Variants in TPP2 observed in about 807,000 individuals in gnomAD.
TPP2 encodes tripeptidyl peptidase 2.
In TPP2, 34 loss-of-function variants were observed where a neutral mutation model predicts 155.9. The ratio of observed to expected loss-of-function variants is 0.22; its 90% CI spans 0.17 to 0.29. The LOEUF (loss-of-function observed/expected upper bound fraction) is 0.29. Among genes scored for constraint, TPP2 ranks in the 10% least tolerant of loss-of-function variants. The pLI is 1.00. For missense variants in TPP2, 1,028 were observed against 1,522.3 expected (o/e 0.68, Z 5.40); for synonymous variants, 510 against 529.4 (o/e 0.96, Z 0.50).
At chr13:102,618,652 T>C in intron 4 of TPP2, 70 bp from the exon 5 acceptor site, 1 of 1,547,852 alleles carries the variant, frequency 6.5e-7, no homozygotes, top group Non-Finnish European at 8.7e-7. Flanking sequence ...ATTGTATCTT[T>C]GGCTGTATGT....
chr13:102,649,219 T>C, intron 22 of TPP2, 68 bp downstream of exon 22: 1 of 1,523,992 alleles, frequency 6.6e-7, no homozygotes, highest in Non-Finnish European at 8.8e-7. Context: ...TGTCAGTTTA[T>C]GACATCTAGG....
intron 2 of TPP2, 42 bp from the exon 3 acceptor site, chr13:102,614,059 A>C (rs1460042256): frequency 1.3e-6 from 2 of 1,563,154 alleles, no homozygotes; most frequent in Non-Finnish European, 1.8e-6. Context: ...GGAATTGGAA[A>C]GCATTTAGTG....
rs1291728150 is a variant in TPP2, at chr13:102,679,027, A to G, written c.*711A>G. The G allele has an allele frequency of 6.6e-6, 1 of 152,630 alleles. No individual in the cohort carries two copies. The highest frequency in any genetic ancestry group is 1.5e-5 in the Non-Finnish European group (1 of 68,034). 9.5% of individuals were successfully genotyped at this position (152,630 alleles called of 1,614,324 possible). A position where few individuals can be genotyped will look rare whatever the true frequency, so the allele number is the denominator to read the frequency against. ...GCTGAATCTTTATCAGGTATTGTAA[A>G]GATACACATATGATATGTTTATTAA... On this transcript the variant is annotated 3_prime_UTR_variant, in exon 30 of 30. Coordinates refer to ENST00000376052, the MANE Select transcript of TPP2 (RefSeq NM_001330588.2).
chr13:102,626,964 T>C, intron 6 of TPP2, 48 bp from the exon 7 acceptor site: 2 of 1,445,994 alleles, frequency 1.4e-6, no homozygotes, highest in Non-Finnish European at 9.1e-7. Context: ...TGAATAAACT[T>C]TCAGTCCATG....
At chr13:102,624,141 T>C (rs1043821477) in intron 6 of TPP2, among the ~76,000 whole-genome samples, 65 of 152,206 alleles carry the variant, frequency 4.3e-4, no homozygotes, top group African/African-American at 1.5e-3. Context: ...TGTAAAATTC[T>C]AAAACATGCC....
chr13:102,663,132 T>TTATTTATTTA (rs149378137), intron 25 of TPP2, among the ~76,000 whole-genome samples: 73,991 of 150,426 alleles, frequency 0.49, 18,546 homozygotes, highest in African/African-American at 0.59. Flanking sequence ...ATTTATTTAT[T>TTATTTATTTA]TTTTTTAATT....
chr13:102,656,540 C>G (rs1489024033), intron 24 of TPP2, among the ~76,000 whole-genome samples: 1 of 152,124 alleles, frequency 6.6e-6, no homozygotes, highest in Non-Finnish European at 1.5e-5. Context: ...TTGTTTTCTT[C>G]CTATCAGATG....
intron 29 of TPP2, among the ~76,000 whole-genome samples, chr13:102,676,919 G>T (rs1205180273): frequency 6.6e-6 from 1 of 152,184 alleles, no homozygotes; most frequent in African/African-American, 2.4e-5. Context: ...GATTTCTACA[G>T]AAGTTACTTT....
intron 25 of TPP2, among the ~76,000 whole-genome samples, chr13:102,657,753 G>A (rs536522144): frequency 3.9e-5 from 6 of 152,064 alleles, no homozygotes; most frequent in African/African-American, 1.4e-4. Flanking sequence ...ATACATAAAG[G>A]TGATTTTTTA....
At chr13:102,676,237 C>T in intron 28 of TPP2, 59 bp from the exon 29 acceptor site, 4 of 1,416,730 alleles carry the variant, frequency 2.8e-6, no homozygotes, top group Non-Finnish European at 3.8e-6. Context: ...ATGGTTAAAG[C>T]TAATGCCTTA....
At chr13:102,613,178 G>A (rs1449212576) in intron 2 of TPP2, among the ~76,000 whole-genome samples, 2 of 152,162 alleles carry the variant, frequency 1.3e-5, no homozygotes, top group African/African-American at 4.8e-5. Context: ...ATGGCACAGA[G>A]GCCTTCAAAA....
chr13:102,671,632 T>C (rs1467039879), intron 27 of TPP2, among the ~76,000 whole-genome samples: 1 of 152,196 alleles, frequency 6.6e-6, no homozygotes, highest in Non-Finnish European at 1.5e-5. Flanking sequence ...GTTGTCAATT[T>C]TGCGTTACCA....
At chr13:102,612,935 C>T (rs543112549) in intron 2 of TPP2, among the ~76,000 whole-genome samples, 1 of 152,250 alleles carries the variant, frequency 6.6e-6, no homozygotes, top group African/African-American at 2.4e-5. Flanking sequence ...TGCTAGCCAC[C>T]TGTGTAGTGG....
intron 25 of TPP2, among the ~76,000 whole-genome samples, chr13:102,661,462 G>C (rs576614744): frequency 5.9e-5 from 9 of 151,752 alleles, no homozygotes; most frequent in Non-Finnish European, 1.2e-4. Context: ...AGGCTAGTCT[G>C]GAACCCCCGG....
chr13:102,646,249 A>G, intron 19 of TPP2, 45 bp from the exon 20 acceptor site: 1 of 1,509,470 alleles, frequency 6.6e-7, no homozygotes, highest in African/African-American at 1.4e-5. Flanking sequence ...TGTCTCATTC[A>G]ATGAACTCTT....
chr13:102,610,378 G>A (rs1880194067), intron 2 of TPP2, among the ~76,000 whole-genome samples: 2 of 151,932 alleles, frequency 1.3e-5, no homozygotes, highest in South Asian at 2.1e-4. Context: ...ATAGGCACCC[G>A]CCACCATGCC....
At chr13:102,632,387 G>A (rs527339546) in intron 10 of TPP2, among the ~76,000 whole-genome samples, 6 of 151,670 alleles carry the variant, frequency 4.0e-5, no homozygotes, top group Non-Finnish European at 8.8e-5. Context: ...AATTACAGGC[G>A]CTCACCACCA....
At chr13:102,665,858 A>G (rs1373156627) in intron 27 of TPP2, among the ~76,000 whole-genome samples, 2 of 152,224 alleles carry the variant, frequency 1.3e-5, no homozygotes, top group African/African-American at 4.8e-5. Flanking sequence ...CCAAACTGCT[A>G]GAATTCTTTC....
chr13:102,601,679 T>C (rs1364638546), intron 1 of TPP2, among the ~76,000 whole-genome samples: 1 of 152,212 alleles, frequency 6.6e-6, no homozygotes, highest in Admixed American at 6.5e-5. Context: ...AGATGAGTGA[T>C]ATAGTTCCAT....
Sources: allele counts gnomAD v4.1 joint callset (sites outside exome capture counted in the v4.1 genomes callset), GRCh38; gene constraint gnomAD v4.1.1; transcripts MANE v1.5; gene names NCBI Gene and HGNC (gene_info 2026-07-23, HGNC 2026-07-21).